The following RP1 variants were observed in gnomAD, a reference collection of about 807,000 sequenced individuals.
RP1 encodes RP1 axonemal microtubule associated.
Under a neutral mutation model 14.8 loss-of-function variants are expected in RP1, and 16 were observed. The observed-to-expected ratio is 1.08, with a 90% confidence interval of 0.73 to 1.65. RP1 has a LOEUF of 1.65. RP1 is among the 40% of genes most tolerant of loss of function. The pLI is 0.00. For missense variants in RP1, 2,631 were observed against 2,535.0 expected, an observed-to-expected ratio of 1.04 and a Z score of -0.81; for synonymous variants, 876 against 883.6, an observed-to-expected ratio of 0.99 and a Z score of 0.15.
At chr8:54,828,428 A>G (rs1371907031) in intron 24 of RP1, among the ~76,000 whole-genome samples, 1 of 152,066 alleles carries the variant, frequency 6.6e-6, no homozygotes. Context: ...ACTAGTTGGT[A>G]GAAAGACCTT....
chr8:54,838,040 C>G (rs796716475), intron 25 of RP1, among the ~76,000 whole-genome samples: 13 of 152,250 alleles, frequency 8.5e-5, no homozygotes, highest in African/African-American at 3.1e-4. Flanking sequence ...CAGATTTGGC[C>G]CACGGGCCGC....
At chr8:54,564,748 C>A (rs72648800) in intron 1 of RP1, among the ~76,000 whole-genome samples, 92 of 152,226 alleles carry the variant, frequency 6.0e-4, no homozygotes, top group Non-Finnish European at 1.1e-3. Flanking sequence ...CCCAGCACAC[C>A]TGATTGATTC....
At position 54,622,173 on chromosome 8, in the gene RP1, G is replaced by C; in HGVS notation, c.672G>C (p.Arg224Ser). Reference protein sequence around the residue: ...LSSGAVVAAGREPFKPGNYDI... With the variant: ...LSSGAVVAAGSEPFKPGNYDI... The stretch of plus-strand genomic sequence containing the variant: ...CTGGAGCTGTGGTGGCGGCAGGAAG[G>C]GAGCCATTTAAACCAGGAAATTATG... The change falls in exon 3 of 4, where the codon AGG becomes AGC. Residue 224 changes from arginine (R) to serine (S), a missense_variant. Coordinates refer to ENST00000220676, the MANE Select transcript of RP1 (RefSeq NM_006269.2). The C allele has an allele frequency of 6.2e-7, 1 of 1,614,132 alleles. No homozygotes were observed. Among genetic ancestry groups the C allele is most frequent in the Non-Finnish European group, 8.5e-7 (1 of 1,180,040 alleles).
chr8:54,739,587 A>G (rs1203271256), intron 19 of RP1, among the ~76,000 whole-genome samples: 1 of 151,954 alleles, frequency 6.6e-6, no homozygotes, highest in African/African-American at 2.4e-5. Flanking sequence ...AACAAAATGA[A>G]TTGTTATTCA....
At chr8:54,641,896 C>G (rs1563336502) in intron 3 of RP1, among the ~76,000 whole-genome samples, 1 of 152,114 alleles carries the variant, frequency 6.6e-6, no homozygotes, top group Non-Finnish European at 1.5e-5. Context: ...AAGTTTCAGA[C>G]TAGATCTCAA....
chr8:54,691,719 G>A (rs992193785), intron 12 of RP1, among the ~76,000 whole-genome samples: 1 of 151,906 alleles, frequency 6.6e-6, no homozygotes, highest in Non-Finnish European at 1.5e-5. Flanking sequence ...TCCTTGTGAA[G>A]ATTCACTAAA....
chr8:54,666,421 A>T (rs1039775146), intron 7 of RP1, among the ~76,000 whole-genome samples: 1 of 151,578 alleles, frequency 6.6e-6, no homozygotes, highest in African/African-American at 2.4e-5. Flanking sequence ...GGTACCAGGG[A>T]CTTCTCAAAT....
At position 54,625,453 on chromosome 8, in the gene RP1, A is replaced by T; in HGVS notation, c.1571A>T (p.Asp524Val). 1 of 1,614,024 alleles carries T rather than the reference A, an allele frequency of 6.2e-7. No homozygotes were observed. ...KPVLVQINNN[D>V]QMEESSLERK... is the part of the protein sequence containing the mutation. Reference sequence around the variant, plus strand: ...GTACTTGTTCAGATCAATAACAATGATCAAATGGAGGAGTCATCATTAGAA... The same window carrying T: ...GTACTTGTTCAGATCAATAACAATGTTCAAATGGAGGAGTCATCATTAGAA... The change falls in exon 4 of 4, where the codon GAT becomes GTT. Residue 524 changes from aspartate (D) to valine (V), a missense_variant. Asp to Val is a radical substitution (Grantham distance 152). Transcript: ENST00000220676.
At chr8:54,569,826 G>A (rs1586388893) in intron 1 of RP1, among the ~76,000 whole-genome samples, 1 of 152,126 alleles carries the variant, frequency 6.6e-6, no homozygotes. Context: ...CATCACAGAC[G>A]ACGTACCGCA....
At chr8:54,769,373 A>G (rs1232370868) in intron 22 of RP1, among the ~76,000 whole-genome samples, 1 of 152,102 alleles carries the variant, frequency 6.6e-6, no homozygotes, top group African/African-American at 2.4e-5. Flanking sequence ...CCATGCTCAA[A>G]ATCTGAAACC....
intron 1 of RP1, among the ~76,000 whole-genome samples, chr8:54,575,324 C>G (rs1479284554): frequency 6.6e-6 from 1 of 152,156 alleles, no homozygotes; most frequent in Non-Finnish European, 1.5e-5. Context: ...TGTTAGGAAA[C>G]AGCAGTGCAC....
intron 22 of RP1, among the ~76,000 whole-genome samples, chr8:54,764,925 A>G (rs549578180): frequency 6.6e-6 from 1 of 152,058 alleles, no homozygotes; most frequent in East Asian, 1.9e-4. Flanking sequence ...AAAAAAAAAA[A>G]GACGTGTCCT....
intron 3 of RP1, among the ~76,000 whole-genome samples, chr8:54,644,804 C>G (rs1219674842): frequency 2.0e-5 from 3 of 152,158 alleles, no homozygotes; most frequent in African/African-American, 7.2e-5. Flanking sequence ...TCAGAGTCAG[C>G]AGAATTGGTT....
At chr8:54,759,165 T>C in intron 22 of RP1, 2 of 1,332,910 alleles carry the variant, frequency 1.5e-6, no homozygotes, top group Admixed American at 2.3e-5. Flanking sequence ...TGTGTGTGTG[T>C]GTGTGTGTGT....
intron 1 of RP1, among the ~76,000 whole-genome samples, chr8:54,578,453 C>T (rs965732630): frequency 9.9e-5 from 15 of 152,046 alleles, no homozygotes; most frequent in African/African-American, 3.6e-4. Context: ...AGTGATCCTC[C>T]CTCCTCAGCC....
downstream of RP1, among the ~76,000 whole-genome samples, chr8:54,635,249 C>G (rs1445138521): frequency 1.3e-5 from 2 of 151,978 alleles, no homozygotes; most frequent in African/African-American, 4.8e-5. Context: ...ACAGCAAGAA[C>G]AAAAAACAAA....
intron 15 of RP1, among the ~76,000 whole-genome samples, chr8:54,711,925 C>T (rs950353639): frequency 6.6e-6 from 1 of 152,098 alleles, no homozygotes; most frequent in Non-Finnish European, 1.5e-5. Flanking sequence ...CTAGGGAAAA[C>T]TTTGTAATTT....
In RP1 at chr8:54,629,307, A is replaced by T. The variant is rs1806181386; in HGVS notation, c.5425A>T (p.Thr1809Ser). Residue 1809 changes from threonine (T) to serine (S), a missense_variant, in exon 4 of 4, where the codon ACT becomes TCT. Transcript: ENST00000220676. ...CTCCTCTTCAGAACTCGAGGAACTG[A>T]CTCAACCCCTTGAACTAAAATGCAA... is the stretch of plus-strand genomic sequence containing the variant. ...ELSSSELEEL[T>S]QPLELKCNYF... The T allele has an allele frequency of 6.2e-7, 1 of 1,613,810 alleles. No individual in the cohort carries two copies. The highest frequency in any genetic ancestry group is 2.2e-5 in the East Asian group (1 of 44,848).
intron 1 of RP1, among the ~76,000 whole-genome samples, chr8:54,575,701 T>C (rs934865031): frequency 2.0e-5 from 3 of 152,204 alleles, no homozygotes; most frequent in Admixed American, 1.3e-4. Context: ...TAAACTTGTG[T>C]CATGGATTTG....
Sources: gnomAD v4.1 joint callset for allele counts (sites outside exome capture counted in the v4.1 genomes callset) on GRCh38, gnomAD v4.1.1 for gene constraint, MANE v1.5 for transcripts, NCBI Gene and HGNC (gene_info 2026-07-23, HGNC 2026-07-21) for gene names.